Variants in TRDN observed in about 807,000 individuals in gnomAD.
The protein encoded by TRDN is triadin in skeletal muscle.
Under a neutral mutation model 149.7 loss-of-function variants are expected in TRDN, and 161 were observed. That is an observed-to-expected ratio of 1.08 (90% CI 0.95 to 1.23). The LOEUF (loss-of-function observed/expected upper bound fraction) is 1.23, where lower values mean the gene tolerates loss of function less well. Among genes scored for constraint, TRDN ranks in the 50% most tolerant of loss-of-function variants. The probability of loss-of-function intolerance (pLI) is 0.00; values close to 1 mark genes in which losing one functional copy is unlikely to be tolerated. For missense variants in TRDN, 896 were observed against 823.5 expected (o/e 1.09, Z -1.08); for synonymous variants, 294 against 250.5 (o/e 1.17, Z -1.64).
chr6:123,519,662 T>G (rs1429821833), intron 5 of TRDN, among the ~76,000 whole-genome samples: 1 of 151,800 alleles, frequency 6.6e-6, no homozygotes, highest in Non-Finnish European at 1.5e-5. Flanking sequence ...GCAAATCAAT[T>G]CAACCAAACT....
chr6:123,378,743 G>A (rs1781605624), intron 16 of TRDN, among the ~76,000 whole-genome samples: 1 of 152,156 alleles, frequency 6.6e-6, no homozygotes, highest in Admixed American at 6.6e-5. Flanking sequence ...GGCTTTGTGA[G>A]GCATATTTAA....
In TRDN at chr6:123,543,328, T is replaced by A. The variant is rs150561210; in HGVS notation, c.424+4012A>T. ...AGTCTTTGGGAATGTGGTAAGCAAA[T>A]AGTACATGTTCTCTTCCACCAGCTC... On this transcript the variant is annotated intron_variant, in intron 4 of 40. Coordinates refer to ENST00000334268, the MANE Select transcript of TRDN (RefSeq NM_006073.4). Among the ~76,000 whole-genome samples, 270 of 152,276 alleles carry A rather than the reference T, an allele frequency of 1.8e-3. 1 individual carries two copies. The highest frequency in any genetic ancestry group is 3.3e-3 in the South Asian group (16 of 4,828).
chr6:123,579,687 G>A (rs1783024649), intron 1 of TRDN, among the ~76,000 whole-genome samples: 1 of 152,046 alleles, frequency 6.6e-6, no homozygotes, highest in Non-Finnish European at 1.5e-5. Flanking sequence ...TGCCTCTGAT[G>A]TGGTTAGGCT....
At chr6:123,246,566 C>T (rs1008926691) in intron 38 of TRDN, among the ~76,000 whole-genome samples, 2 of 151,614 alleles carry the variant, frequency 1.3e-5, no homozygotes, top group Admixed American at 6.6e-5. Flanking sequence ...ACCAATAAAA[C>T]GTTCTGAAAT....
chr6:123,516,900 C>G (rs766699076), intron 5 of TRDN, among the ~76,000 whole-genome samples: 4 of 152,138 alleles, frequency 2.6e-5, no homozygotes, highest in African/African-American at 9.6e-5. Flanking sequence ...TCATTCACCA[C>G]GCTCTTTCAA....
chr6:123,456,199 C>A (rs1022203054), intron 10 of TRDN, among the ~76,000 whole-genome samples: 7 of 152,036 alleles, frequency 4.6e-5, no homozygotes, highest in Non-Finnish European at 1.0e-4. Flanking sequence ...TCAAATGAAG[C>A]CTTTCAATTT....
intron 2 of TRDN, among the ~76,000 whole-genome samples, chr6:123,550,897 A>G (rs7759721): frequency 0.032 from 4,838 of 151,994 alleles, 109 homozygotes; most frequent in African/African-American, 0.066. Flanking sequence ...GGCCGTTTGA[A>G]TGGTGAGATT....
chr6:123,533,402 A>G (rs1041302197), intron 4 of TRDN, among the ~76,000 whole-genome samples: 1 of 152,130 alleles, frequency 6.6e-6, no homozygotes, highest in African/African-American at 2.4e-5. Flanking sequence ...GCTGAAGGCC[A>G]TCTTGCCTGA....
intron 8 of TRDN, 34 bp downstream of exon 8, chr6:123,503,685 G>A: frequency 1.2e-6 from 2 of 1,612,240 alleles, no homozygotes; most frequent in Non-Finnish European, 1.7e-6. Context: ...TATTCTCTTA[G>A]AACCTCCGGC....
intron 34 of TRDN, among the ~76,000 whole-genome samples, chr6:123,260,331 G>A (rs533729536): frequency 6.6e-6 from 1 of 151,974 alleles, no homozygotes; most frequent in South Asian, 2.1e-4. Flanking sequence ...AAGCAGTCTT[G>A]GTAAATAATA....
intron 20 of TRDN, among the ~76,000 whole-genome samples, chr6:123,361,252 A>G (rs1269623226): frequency 1.3e-5 from 2 of 152,146 alleles, no homozygotes; most frequent in East Asian, 3.9e-4. Flanking sequence ...ATGAAAGTGG[A>G]AACCATCATT....
At chr6:123,388,450 G>A in intron 14 of TRDN, 72 bp downstream of exon 14, 1 of 1,524,358 alleles carries the variant, frequency 6.6e-7, no homozygotes, top group Non-Finnish European at 8.9e-7. Flanking sequence ...CAGAATAGCA[G>A]TCAAAACCCA....
At chr6:123,616,907 T>C (rs1307649141) in intron 1 of TRDN, among the ~76,000 whole-genome samples, 2 of 152,220 alleles carry the variant, frequency 1.3e-5, no homozygotes, top group Non-Finnish European at 2.9e-5. Flanking sequence ...TTTCAGAAGT[T>C]TAAAATCTGC....
chr6:123,257,426 C>A (rs915659973), intron 35 of TRDN, among the ~76,000 whole-genome samples: 1 of 152,116 alleles, frequency 6.6e-6, no homozygotes, highest in African/African-American at 2.4e-5. Context: ...TTGTTTTTGT[C>A]AGGTTTGTCA....
intron 1 of TRDN, among the ~76,000 whole-genome samples, chr6:123,632,209 G>A (rs923413209): frequency 6.6e-6 from 1 of 152,010 alleles, no homozygotes; most frequent in African/African-American, 2.4e-5. Flanking sequence ...GGTTCCCAGA[G>A]CCTACTGCCT....
intron 10 of TRDN, chr6:123,441,156 C>T (rs1774858901): frequency 6.6e-6 from 1 of 152,094 alleles, no homozygotes; most frequent in Non-Finnish European, 1.5e-5. Context: ...GATTTGGTAG[C>T]AATGGAATTA....
rs1417676099 is a variant in TRDN at position 123,260,640 on chromosome 6, T to C, written c.1805-2A>G. On this transcript the variant is annotated splice_acceptor_variant, in intron 33 of 40. Coordinates refer to ENST00000334268, the MANE Select transcript of TRDN (RefSeq NM_006073.4). LOFTEE classifies it high-confidence loss of function. Reference sequence around the variant, plus strand: ...ATTCTGTGACTTCTGATGTTCCTTCTTTAGAAAAAAAAAAAAAAAGAATGT... The same window carrying C: ...ATTCTGTGACTTCTGATGTTCCTTCCTTAGAAAAAAAAAAAAAAAGAATGT... 3 of 1,327,306 alleles carry C rather than the reference T, an allele frequency of 2.3e-6. No individual in the cohort carries two copies. Among genetic ancestry groups the C allele is most frequent in the Admixed American group, 4.0e-5 (1 of 25,270 alleles). 82.2% of individuals were successfully genotyped at this position (1,327,306 alleles called of 1,614,324 possible).
chr6:123,608,592 T>C (rs1010763127), intron 1 of TRDN, among the ~76,000 whole-genome samples: 12 of 152,174 alleles, frequency 7.9e-5, no homozygotes, highest in African/African-American at 2.9e-4. Flanking sequence ...GAACAATAAA[T>C]GGTAAACCTC....
intron 8 of TRDN, among the ~76,000 whole-genome samples, chr6:123,501,301 A>G (rs1778688150): frequency 6.6e-6 from 1 of 152,038 alleles, no homozygotes; most frequent in East Asian, 1.9e-4. Flanking sequence ...TATTTCTTTA[A>G]AAAGAAGTAT....
Sources: allele counts gnomAD v4.1 joint callset (sites outside exome capture counted in the v4.1 genomes callset), GRCh38; gene constraint gnomAD v4.1.1; transcripts MANE v1.5; gene names NCBI Gene and HGNC (gene_info 2026-07-23, HGNC 2026-07-21).